Variants in CDH4 observed in about 807,000 individuals in gnomAD.
The protein encoded by CDH4 is cadherin 4.
In CDH4, 33 loss-of-function variants were observed where a neutral mutation model predicts 86.0. That is an observed-to-expected ratio of 0.38 (90% CI 0.29 to 0.51). CDH4 has a LOEUF of 0.51. Ranked by LOEUF, CDH4 falls within the 20% of genes least tolerant of loss-of-function variation. The probability of loss-of-function intolerance (pLI) is 0.86; values close to 1 mark genes in which losing one functional copy is unlikely to be tolerated. For missense variants in CDH4, 1,114 were observed against 1,307.4 expected (o/e 0.85, Z 2.28); for synonymous variants, 555 against 549.4 (o/e 1.01, Z -0.14).
chr20:61,552,192 C>T (rs1299853705), intron 2 of CDH4, among the ~76,000 whole-genome samples: 1 of 152,058 alleles, frequency 6.6e-6, no homozygotes, highest in Non-Finnish European at 1.5e-5. Flanking sequence ...GTGAAAAGGC[C>T]ATAGCATGAC....
At chr20:61,351,562 C>T (rs2084712657) in intron 2 of CDH4, among the ~76,000 whole-genome samples, 1 of 152,076 alleles carries the variant, frequency 6.6e-6, no homozygotes, top group African/African-American at 2.4e-5. Context: ...GGCTACACAG[C>T]AGGTATGTAT....
At position 61,325,222 on chromosome 20, in the gene CDH4, G is replaced by GAA. The variant is rs11482226; in HGVS notation, c.169+70298_169+70299dup. 4.3e-3 allele frequency among the ~76,000 whole-genome samples: 626 copies of GAA among 144,526 alleles called. 3 individuals carry two copies. The highest frequency in any genetic ancestry group is 7.0e-3 in the Middle Eastern group (2 of 286). The allele number at this position is 144,526 out of a possible 152,430, so 94.8% of individuals were successfully genotyped here. ...GTGGGTCATAAGTAAGTGGTCACTG[G>GAA]AAAAAAAAAAAAAAGTCTTGGCTTT... On this transcript the variant is annotated intron_variant, in intron 2 of 15. Transcript: ENST00000614565.
intron 2 of CDH4, among the ~76,000 whole-genome samples, chr20:61,349,744 A>G (rs577335819): frequency 6.6e-6 from 1 of 152,196 alleles, no homozygotes; most frequent in Non-Finnish European, 1.5e-5. Flanking sequence ...TCTCAGGGGC[A>G]GTCTTGCTGA....
intron 4 of CDH4, among the ~76,000 whole-genome samples, chr20:61,774,521 T>C (rs1331313294): frequency 6.6e-6 from 1 of 152,258 alleles, no homozygotes; most frequent in Non-Finnish European, 1.5e-5. Flanking sequence ...TCATTTTTTT[T>C]CCAACTTTTA....
chr20:61,265,779 G>A lies in CDH4; in HGVS notation c.169+10842G>A, dbSNP rs911813638. The stretch of plus-strand genomic sequence containing the variant: ...ATTGAGTGACCTGGCATGAGCTGTG[G>A]GTCAGGGAGGTCTATCTGAAGGAAT... On this transcript the variant is annotated intron_variant, in intron 2 of 15. Coordinates refer to ENST00000614565, the MANE Select transcript of CDH4 (RefSeq NM_001794.5). Among the ~76,000 whole-genome samples the A allele has an allele frequency of 2.6e-5, 4 of 152,320 alleles. No individual in the cohort carries two copies. In the South Asian group the frequency reaches 8.3e-4, roughly 32 times the overall value.
intron 2 of CDH4, among the ~76,000 whole-genome samples, chr20:61,302,161 C>G (rs1439331665): frequency 6.6e-6 from 1 of 152,194 alleles, no homozygotes; most frequent in African/African-American, 2.4e-5. Flanking sequence ...ATTTAGTAGG[C>G]CGAGGTCTGG....
chr20:61,733,241 A>G (rs1477234182), intron 2 of CDH4, among the ~76,000 whole-genome samples: 4 of 152,116 alleles, frequency 2.6e-5, no homozygotes, highest in Non-Finnish European at 1.5e-5. Flanking sequence ...TTCCACACAG[A>G]GCAAGTTCCG....
At chr20:61,636,253 A>C (rs1310138885) in intron 2 of CDH4, among the ~76,000 whole-genome samples, 1 of 152,192 alleles carries the variant, frequency 6.6e-6, no homozygotes, top group Non-Finnish European at 1.5e-5. Flanking sequence ...ATCGCATAAG[A>C]AAAAGCACTC....
intron 2 of CDH4, among the ~76,000 whole-genome samples, chr20:61,713,274 C>CT (rs1243894905): frequency 2.6e-5 from 4 of 152,210 alleles, no homozygotes; most frequent in African/African-American, 9.6e-5. Flanking sequence ...TGGAGATGCA[C>CT]TTTGCAATGC....
intron 2 of CDH4, among the ~76,000 whole-genome samples, chr20:61,680,210 C>G (rs911523528): frequency 6.6e-6 from 1 of 152,232 alleles, no homozygotes; most frequent in African/African-American, 2.4e-5. Flanking sequence ...CTGCCCCTGT[C>G]CTCCACAGGA....
intron 2 of CDH4, among the ~76,000 whole-genome samples, chr20:61,551,978 A>G (rs571830356): frequency 2.9e-4 from 44 of 152,320 alleles, no homozygotes; most frequent in African/African-American, 9.9e-4. Context: ...ACAAAAGTTA[A>G]CTCAAAATGG....
At chr20:61,484,469 A>G (rs771158182) in intron 2 of CDH4, among the ~76,000 whole-genome samples, 1 of 152,140 alleles carries the variant, frequency 6.6e-6, no homozygotes, top group South Asian at 2.1e-4. Flanking sequence ...CCCACTCTTC[A>G]TCAGGCCCGT....
In CDH4 at chr20:61,529,718, T is replaced by C. The variant is rs372547156; in HGVS notation, c.170-213845T>C. On this transcript the variant is annotated intron_variant, in intron 2 of 15. Transcript: ENST00000614565. ...CTTGAGGGAACGTCACATGCCTCTG[T>C]TTTCTTCCCTTCCTAGAGGTATCTT... 4.6e-5 allele frequency among the ~76,000 whole-genome samples: 7 copies of C among 152,318 alleles called. No individual in the cohort carries two copies. The East Asian group carries it at 1.4e-3, about 29-fold the overall frequency.
At chr20:61,855,417 G>A (rs1257103681) in intron 6 of CDH4, among the ~76,000 whole-genome samples, 1 of 152,210 alleles carries the variant, frequency 6.6e-6, no homozygotes, top group East Asian at 1.9e-4. Flanking sequence ...CAGGGGGTGA[G>A]CAGATTAGCT....
In CDH4 at chr20:61,513,801, C is replaced by T. The variant is rs571911592; in HGVS notation, c.170-229762C>T. On this transcript the variant is annotated intron_variant, in intron 2 of 15. Transcript: ENST00000614565. ...CCTCTGGCCACCCACTCACTGGACA[C>T]CTGTCCCAGGCACCACGGGCCTGGC... 5.3e-5 allele frequency among the ~76,000 whole-genome samples: 8 copies of T among 152,342 alleles called. No individual in the cohort carries two copies. The South Asian group carries it at 1.0e-3, about 20-fold the overall frequency.
At chr20:61,537,498 C>G (rs2086005972) in intron 2 of CDH4, among the ~76,000 whole-genome samples, 1 of 152,102 alleles carries the variant, frequency 6.6e-6, no homozygotes, top group Admixed American at 6.5e-5. Flanking sequence ...AGCCAGGTGC[C>G]CTCATCAAGA....
chr20:61,924,292 CA>C, intron 10 of CDH4, 41 bp from the exon 11 acceptor site: 1 of 1,532,560 alleles, frequency 6.5e-7, no homozygotes, highest in Non-Finnish European at 8.9e-7. Flanking sequence ...CAGCCCCGCC[CA>C]CCCCCAGCCT....
At chr20:61,538,191 A>G (rs66487715) in intron 2 of CDH4, among the ~76,000 whole-genome samples, 46,764 of 151,230 alleles carry the variant, frequency 0.31, 11,865 homozygotes, top group African/African-American at 0.69. Flanking sequence ...TGTGGTGGGC[A>G]CCCGTTTTCC....
At chr20:61,525,029 T>A (rs901656700) in intron 2 of CDH4, among the ~76,000 whole-genome samples, 2 of 152,182 alleles carry the variant, frequency 1.3e-5, no homozygotes, top group Admixed American at 1.3e-4. Context: ...TGCCAGCTTT[T>A]CATTGCCAAG....
Sources: allele counts gnomAD v4.1 joint callset (sites outside exome capture counted in the v4.1 genomes callset), GRCh38; gene constraint gnomAD v4.1.1; transcripts MANE v1.5; gene names NCBI Gene and HGNC (gene_info 2026-07-23, HGNC 2026-07-21).